CNTNAP3B: variants seen among roughly 807,000 people sequenced by gnomAD.
CNTNAP3B encodes the protein contactin-associated protein-like 3B.
In CNTNAP3B, 25 loss-of-function variants were observed where a neutral mutation model predicts 108.9. That is an observed-to-expected ratio of 0.23 (90% CI 0.17 to 0.32). The LOEUF (loss-of-function observed/expected upper bound fraction) is 0.32. CNTNAP3B is among the 10% of genes least tolerant of loss of function. CNTNAP3B has a pLI of 1.00. For missense variants in CNTNAP3B, 252 were observed against 1,210.4 expected (o/e 0.21, Z 11.75); for synonymous variants, 103 against 473.4 (o/e 0.22, Z 10.16).
rs1394703456 is a variant in CNTNAP3B at position 42,098,959 on chromosome 9, G to A, written c.196+5670C>T. ...GGCAAATGCTTACCTGCCCACATCC[G>A]AAGGGCTGGTGCACCCAGAGTCGTG... is the stretch of plus-strand genomic sequence containing the variant. On this transcript the variant is annotated intron_variant, in intron 2 of 23. Coordinates refer to ENST00000377561, the MANE Select transcript of CNTNAP3B (RefSeq NM_001201380.3). Among the ~76,000 whole-genome samples, 21 of 135,918 alleles carry A rather than the reference G, an allele frequency of 1.5e-4. 5 individuals carry two copies. Among genetic ancestry groups the A allele is most frequent in the East Asian group, 9.2e-4 (4 of 4,326 alleles). The allele number at this position is 135,918 out of a possible 152,430, so 89.2% of individuals were successfully genotyped here. A position where few individuals can be genotyped will look rare whatever the true frequency, so the allele number is the denominator to read the frequency against.
intron 13 of CNTNAP3B, among the ~76,000 whole-genome samples, chr9:41,945,746 T>C (rs879830663): frequency 7.3e-3 from 1,104 of 151,962 alleles, no homozygotes; most frequent in Non-Finnish European, 0.012. Context: ...ACATGTACCC[T>C]AGAAATTAAG....
chr9:41,934,385 A>G (rs1467003348), intron 14 of CNTNAP3B, among the ~76,000 whole-genome samples: 108 of 152,298 alleles, frequency 7.1e-4, no homozygotes, highest in African/African-American at 2.6e-3. Flanking sequence ...TGCCTGGCTA[A>G]TATTTTTTGT....
chr9:42,082,829 A>C (rs1244131124), intron 2 of CNTNAP3B, among the ~76,000 whole-genome samples: 1 of 141,394 alleles, frequency 7.1e-6, no homozygotes, highest in Non-Finnish European at 1.5e-5. Context: ...TGTTAGACTT[A>C]AAATTAATCA....
At position 42,118,053 on chromosome 9, in the gene CNTNAP3B, A is replaced by G. The variant is rs1409108668; in HGVS notation, c.85+10957T>C. 1.8e-4 allele frequency among the ~76,000 whole-genome samples: 24 copies of G among 131,206 alleles called. 3 individuals carry two copies. Among genetic ancestry groups the G allele is most frequent in the African/African-American group, 6.7e-4 (22 of 32,724 alleles). 86.1% of individuals were successfully genotyped at this position (131,206 alleles called of 152,430 possible). On this transcript the variant is annotated intron_variant, in intron 1 of 23. Coordinates refer to ENST00000377561, the MANE Select transcript of CNTNAP3B (RefSeq NM_001201380.3). ...TAAGTAATAGCTTAACAACCAAAAA[A>G]AGTCCAGGACCAGATGGATTCACAG...
At chr9:42,033,191 C>T (rs1160822978) in intron 3 of CNTNAP3B, among the ~76,000 whole-genome samples, 4 of 139,170 alleles carry the variant, frequency 2.9e-5, no homozygotes, top group Non-Finnish European at 6.2e-5. Context: ...AATCACTTTC[C>T]CATTAATAAT....
intron 13 of CNTNAP3B, among the ~76,000 whole-genome samples, chr9:41,942,238 G>T (rs1355933114): frequency 2.0e-5 from 3 of 152,298 alleles, no homozygotes; most frequent in South Asian, 2.1e-4. Flanking sequence ...CACTTTGGGA[G>T]GCCGAGGCGG....
intron 14 of CNTNAP3B, among the ~76,000 whole-genome samples, chr9:41,933,643 TC>T (rs1824048452): frequency 1.3e-5 from 2 of 152,408 alleles, no homozygotes; most frequent in South Asian, 4.1e-4. Context: ...CTTACTGAAC[TC>T]TCATTTTTCC....
At chr9:41,973,104 ATTT>A (rs762573740) in intron 9 of CNTNAP3B, among the ~76,000 whole-genome samples, 3 of 120,044 alleles carry the variant, frequency 2.5e-5, no homozygotes, top group Admixed American at 8.4e-5. Flanking sequence ...TGCCCTGCTA[ATTT>A]TTTTTTTTTG....
At chr9:42,026,895 C>T (rs1466711308) in intron 3 of CNTNAP3B, among the ~76,000 whole-genome samples, 3 of 123,182 alleles carry the variant, frequency 2.4e-5, no homozygotes, top group Admixed American at 1.6e-4. Flanking sequence ...AGCAAACAGT[C>T]GGGGTCTCTT....
rs548818091 is a variant in CNTNAP3B at position 42,127,474 on chromosome 9, G to A, written c.85+1536C>T. On this transcript the variant is annotated intron_variant, in intron 1 of 23. Transcript: ENST00000377561. ...TCCAGGAAGGTCTTTTTGAAGCCCTGTTTATTCAATAGTAAGAGTGACCTC... is the reference window on the plus strand; with the variant it reads ...TCCAGGAAGGTCTTTTTGAAGCCCTATTTATTCAATAGTAAGAGTGACCTC... Among the ~76,000 whole-genome samples, 26 of 139,650 alleles carry A rather than the reference G, an allele frequency of 1.9e-4. 3 individuals carry two copies. The highest frequency in any genetic ancestry group is 6.4e-4 in the Admixed American group (9 of 14,078). The allele number at this position is 139,650 out of a possible 152,430, so 91.6% of individuals were successfully genotyped here.
At chr9:41,934,980 A>G (rs1302040744) in intron 14 of CNTNAP3B, among the ~76,000 whole-genome samples, 3 of 152,250 alleles carry the variant, frequency 2.0e-5, no homozygotes, top group African/African-American at 7.2e-5. Context: ...ATGTGTCATC[A>G]TTATATTAGC....
rs1386276100 is a variant in CNTNAP3B, at chr9:41,943,928, C to A, written c.2081-5528G>T. 1.6e-4 allele frequency among the ~76,000 whole-genome samples: 25 copies of A among 152,326 alleles called. No homozygotes were observed. In the East Asian group the frequency reaches 3.9e-3, roughly 24 times the overall value. ...AAATAAAATCTTTTAAAAATAAAAT[C>A]TCGAAATAAACCAGAGTAAAATAAA... On this transcript the variant is annotated intron_variant, in intron 13 of 23. Coordinates refer to ENST00000377561, the MANE Select transcript of CNTNAP3B (RefSeq NM_001201380.3).
At chr9:41,967,581 G>A (rs1825319357) in intron 10 of CNTNAP3B, among the ~76,000 whole-genome samples, 1 of 152,302 alleles carries the variant, frequency 6.6e-6, no homozygotes, top group South Asian at 2.1e-4. Context: ...GCTGATAGAT[G>A]CTTACAGGCC....
intron 13 of CNTNAP3B, among the ~76,000 whole-genome samples, chr9:41,945,445 G>T (rs1283808835): frequency 6.6e-6 from 1 of 152,280 alleles, no homozygotes. Flanking sequence ...CATGAAAAAG[G>T]ATGAGTTCAT....
rs1254011855 is a variant in CNTNAP3B at position 41,964,549 on chromosome 9, G to A, written c.1745C>T (p.Thr582Ile). The A allele has an allele frequency of 3.3e-6, 5 of 1,532,566 alleles. No homozygotes were observed. Among genetic ancestry groups the A allele is most frequent in the Admixed American group, 2.0e-5 (1 of 48,964 alleles). The allele number at this position is 1,532,566 out of a possible 1,614,324, so 94.9% of individuals were successfully genotyped here. A position where few individuals can be genotyped will look rare whatever the true frequency, so the allele number is the denominator to read the frequency against. The change falls in exon 11 of 24, where the codon ACC becomes ATC. Residue 582 changes from threonine to isoleucine, a missense_variant. Physicochemically the swap from Thr to Ile is moderately conservative, Grantham distance 89. Transcript: ENST00000377561. ...GGTGTGAGGCTTACAGGAATGGCAG[G>A]TCTCGCCCGTATAGCCTGTGCCTAG... The part of the protein sequence containing the change: ...DCLGTGYTGE[T>I]CHSSLYEQSC...
intron 10 of CNTNAP3B, among the ~76,000 whole-genome samples, chr9:41,967,021 T>C (rs1456469884): frequency 1.3e-5 from 2 of 150,132 alleles, no homozygotes; most frequent in Admixed American, 6.6e-5. Context: ...TATTTGTGAC[T>C]CTGTCATCCA....
rs981854225 is a variant in CNTNAP3B at position 41,979,039 on chromosome 9, G to A, written c.1477+7129C>T. On this transcript the variant is annotated intron_variant, in intron 9 of 23. Coordinates refer to ENST00000377561, the MANE Select transcript of CNTNAP3B (RefSeq NM_001201380.3). ...CGGGTTCATCCCCAGGTGGGATGTG[G>A]GGTCAGGGAGGAACCCAGTAAACAG... Among the ~76,000 whole-genome samples, 2 of 138,708 alleles carry A rather than the reference G, an allele frequency of 1.4e-5. 1 individual carries two copies. The highest frequency in any genetic ancestry group is 5.8e-5 in the African/African-American group (2 of 34,744). The allele number at this position is 138,708 out of a possible 152,430, so 91.0% of individuals were successfully genotyped here.
intron 9 of CNTNAP3B, among the ~76,000 whole-genome samples, chr9:41,976,921 A>C (rs1452222600): frequency 7.2e-6 from 1 of 139,406 alleles, no homozygotes; most frequent in Non-Finnish European, 1.5e-5. Context: ...CCCTGTCTAA[A>C]AAAAAGGCAA....
chr9:41,945,713 T>G (rs1253638634), intron 13 of CNTNAP3B, among the ~76,000 whole-genome samples: 1 of 152,302 alleles, frequency 6.6e-6, no homozygotes, highest in Non-Finnish European at 1.5e-5. Context: ...TGGATACATA[T>G]GTAACAAACC....
Sources: allele counts gnomAD v4.1 joint callset (sites outside exome capture counted in the v4.1 genomes callset), GRCh38; gene constraint gnomAD v4.1.1; transcripts MANE v1.5; gene names NCBI Gene and HGNC (gene_info 2026-07-23, HGNC 2026-07-21).